DDX60: variants seen among roughly 807,000 people sequenced by gnomAD.
DDX60 encodes the protein DExD/H-box helicase 60, also known as probable ATP-dependent RNA helicase DDX60.
Under a neutral mutation model 212.8 loss-of-function variants are expected in DDX60, and 165 were observed. That is an observed-to-expected ratio of 0.78 (90% confidence interval 0.68 to 0.88). DDX60 has a LOEUF of 0.88. Among genes scored for constraint, DDX60 ranks in the 40% least tolerant of loss-of-function variants. DDX60 has a pLI of 0.00. For missense variants in DDX60, 1,905 were observed against 2,003.9 expected, an observed-to-expected ratio of 0.95 and a Z score of 0.94; for synonymous variants, 703 against 685.3, an observed-to-expected ratio of 1.03 and a Z score of -0.40.
chr4:168,276,215 A>C (rs1735335195), intron 14 of DDX60, 34 bp from the exon 15 acceptor site: 1 of 1,517,762 alleles, frequency 6.6e-7, no homozygotes, highest in Non-Finnish European at 9.0e-7. Context: ...ATTGTTATAA[A>C]GACCATCAAA....
In DDX60 at chr4:168,283,586, C is replaced by T. The variant is rs752985713; in HGVS notation, c.1582G>A (p.Val528Ile). The change falls in exon 13 of 38, where the codon GTT (valine) becomes ATT (isoleucine). Residue 528 changes from valine (V) to isoleucine (I), a missense_variant. Val to Ile is a conservative substitution (Grantham distance 29). Transcript: ENST00000393743. ...QFDEKSRDPR[V>I]LRSVQKYHVF... ...TGATACTTTTGCACAGATCTAAGAA[C>T]ACGAGGGTCTCTAGATTTTTCTGAA... 6.2e-7 allele frequency: 1 copy of T among 1,602,314 alleles called. No homozygotes were observed. The highest frequency in any genetic ancestry group is 8.5e-7 in the Non-Finnish European group (1 of 1,175,572).
At position 168,285,722 on chromosome 4, in the gene DDX60, T is replaced by C. The variant is rs1447915070; in HGVS notation, c.1340-224A>G. The stretch of plus-strand genomic sequence containing the variant: ...CAGCATTTTGGCATATATGTGGATA[T>C]GCATGGGGGATGGGTGGGTGGATAT... On this transcript the variant is annotated intron_variant, in intron 10 of 37. Coordinates refer to ENST00000393743, the MANE Select transcript of DDX60 (RefSeq NM_017631.6). 2.0e-5 allele frequency among the ~76,000 whole-genome samples: 3 copies of C among 147,274 alleles called. No homozygotes were observed. The Admixed American group carries it at 2.1e-4, about 10-fold the overall frequency.
intron 5 of DDX60, among the ~76,000 whole-genome samples, chr4:168,305,787 A>C (rs1170753021): frequency 6.6e-6 from 1 of 151,972 alleles, no homozygotes; most frequent in Non-Finnish European, 1.5e-5. Flanking sequence ...GAACTTTGAA[A>C]ATTCTCCTAT....
In DDX60 at chr4:168,275,502, T is replaced by A; in HGVS notation, c.2147A>T (p.Asp716Val). The A allele has an allele frequency of 6.3e-7, 1 of 1,592,658 alleles. No homozygotes were observed. The highest frequency in any genetic ancestry group is 1.2e-5 in the South Asian group (1 of 85,030). Residue 716 changes from aspartate (D) to valine (V), a missense_variant and splice_region_variant, in exon 16 of 38, where the codon GAT becomes GTT. Physicochemically the swap from Asp to Val is radical, Grantham distance 152 (BLOSUM62 -3). Coordinates refer to ENST00000393743, the MANE Select transcript of DDX60 (RefSeq NM_017631.6). ...ELASSLHPAQDAENDVKVKKR... is the reference protein window; with the variant it reads ...ELASSLHPAQVAENDVKVKKR... Reference sequence around the variant, plus strand: ...CTTCACTTTTACATCATTTTCTGCATCCTGCATTATTTTAAAAGTCCATTT... The same window carrying A: ...CTTCACTTTTACATCATTTTCTGCAACCTGCATTATTTTAAAAGTCCATTT...
At chr4:168,284,188 T>C (rs1009472857) in intron 12 of DDX60, among the ~76,000 whole-genome samples, 17 of 152,194 alleles carry the variant, frequency 1.1e-4, no homozygotes, top group Non-Finnish European at 1.9e-4. Flanking sequence ...CTCCGAAGCA[T>C]GTTAATGGTT....
chr4:168,261,552 CTT>C (rs1734623724), intron 24 of DDX60, among the ~76,000 whole-genome samples: 1 of 152,090 alleles, frequency 6.6e-6, no homozygotes, highest in Non-Finnish European at 1.5e-5. Flanking sequence ...ATATCTGTAA[CTT>C]ATATAATTCC....
chr4:168,246,677 G>C, intron 29 of DDX60, 59 bp from the exon 30 acceptor site: 1 of 1,547,526 alleles, frequency 6.5e-7, no homozygotes, highest in Non-Finnish European at 8.9e-7. Context: ...CTGCCATAGT[G>C]TAAGAATGAG....
rs1736567402 is a variant in DDX60, at chr4:168,299,688, T to C, written c.723+2612A>G. 2.6e-5 allele frequency among the ~76,000 whole-genome samples: 4 copies of C among 152,262 alleles called. No homozygotes were observed. The South Asian group carries it at 8.3e-4, about 32-fold the overall frequency. Reference sequence around the variant, plus strand: ...TCACAAAGTTCTATGCAAATAGACTTGAAAACTTAAGTGAAATAGATAATT... The same window carrying C: ...TCACAAAGTTCTATGCAAATAGACTCGAAAACTTAAGTGAAATAGATAATT... On this transcript the variant is annotated intron_variant, in intron 6 of 37. Transcript: ENST00000393743.
intron 30 of DDX60, among the ~76,000 whole-genome samples, chr4:168,242,457 C>T (rs1228189038): frequency 6.6e-6 from 1 of 152,210 alleles, no homozygotes; most frequent in Non-Finnish European, 1.5e-5. Flanking sequence ...CTGCCCAAGG[C>T]CATGGGAGCC....
At chr4:168,297,341 A>G (rs1300992996) in intron 6 of DDX60, among the ~76,000 whole-genome samples, 4 of 93,536 alleles carry the variant, frequency 4.3e-5, no homozygotes, top group African/African-American at 1.4e-4. Flanking sequence ...AAAGAAAGAA[A>G]GAAAGAAAGA....
Position 168,285,467 on chromosome 4 carries a change from A to G in DDX60, c.1371T>C (p.Gly457=). The G allele has an allele frequency of 6.2e-7, 1 of 1,610,514 alleles. No individual in the cohort carries two copies. The highest frequency in any genetic ancestry group is 1.3e-5 in the African/African-American group (1 of 74,974). The change falls in exon 11 of 38, where the codon GGT becomes GGC. Residue 457 remains glycine (G), a synonymous_variant. Transcript: ENST00000393743. ...CCACAAAAGATGACGTTGGAATAAA[A>G]CCCAAATTGGGCACCATTTCATTGG... The part of the protein sequence containing the change: ...DSSNEMVPNL[G]FIPTSSFVVD...
chr4:168,226,975 C>G (rs1482420606), intron 33 of DDX60, among the ~76,000 whole-genome samples: 1 of 152,016 alleles, frequency 6.6e-6, no homozygotes, highest in East Asian at 1.9e-4. Context: ...GAAACTGTGA[C>G]AAGTAAATTT....
chr4:168,267,971 C>T lies in DDX60; in HGVS notation c.2799G>A (p.Ser933=), dbSNP rs556911957. The part of the protein sequence containing the change: ...NPEHLTEWLQ[S]VKWYWKQEDK... ...CTTCTTGTTTCCAGTACCATTTTAC[C>T]GATTGTAGCCACCTTAAAAAATAAA... Residue 933 remains serine, a synonymous_variant, in exon 21 of 38, where the codon TCG becomes TCA. Coordinates refer to ENST00000393743, the MANE Select transcript of DDX60 (RefSeq NM_017631.6). The T allele has an allele frequency of 2.0e-4, 320 of 1,608,324 alleles. 1 individual carries two copies. The South Asian group carries it at 2.8e-3, about 14-fold the overall frequency.
chr4:168,217,932 T>A (rs1258800875), intron 37 of DDX60, among the ~76,000 whole-genome samples: 1 of 152,138 alleles, frequency 6.6e-6, no homozygotes, highest in African/African-American at 2.4e-5. Context: ...AAATAATAAA[T>A]TTGTGTTGGT....
rs141256961 is a variant in DDX60 at position 168,217,198 on chromosome 4, GTA to G, written c.5040-168_5040-167del. The stretch of plus-strand genomic sequence containing the variant: ...AAACATATTTCTCCTAAAAAATCTT[GTA>G]TAAAAAATTTAAGAAAAGATAACAA... On this transcript the variant is annotated intron_variant, in intron 37 of 37. Transcript: ENST00000393743. 6.5e-3 allele frequency among the ~76,000 whole-genome samples: 991 copies of G among 152,226 alleles called. 10 individuals are homozygous for G. Among genetic ancestry groups the G allele is most frequent in the African/African-American group, 0.023 (941 of 41,546 alleles).
At chr4:168,261,873 A>G in intron 24 of DDX60, 127 bp downstream of exon 24, 1 of 1,109,926 alleles carries the variant, frequency 9.0e-7, no homozygotes, top group South Asian at 1.6e-5. Context: ...ACTAGACTTC[A>G]AGTTCAACTT....
chr4:168,237,151 T>C (rs1460267277), intron 32 of DDX60, 135 bp downstream of exon 32: 2 of 563,708 alleles, frequency 3.5e-6, no homozygotes, highest in Non-Finnish European at 5.4e-6. Flanking sequence ...ACTTTATCAA[T>C]TGAAGATCTA....
chr4:168,293,194 A>C (rs1736184146), intron 7 of DDX60, among the ~76,000 whole-genome samples: 2 of 152,214 alleles, frequency 1.3e-5, no homozygotes, highest in African/African-American at 2.4e-5. Flanking sequence ...TGGCCAACAG[A>C]TTCTTAATGG....
At chr4:168,275,910 A>C in intron 15 of DDX60, 105 bp downstream of exon 15, 1 of 993,650 alleles carries the variant, frequency 1.0e-6, no homozygotes, top group Non-Finnish European at 1.4e-6. Flanking sequence ...TAGTATTTTC[A>C]GTAAAAAAAA....
Sources: allele counts gnomAD v4.1 joint callset (sites outside exome capture counted in the v4.1 genomes callset), GRCh38; gene constraint gnomAD v4.1.1; transcripts MANE v1.5; gene names NCBI Gene and HGNC (gene_info 2026-07-23, HGNC 2026-07-21).